PIBF1: variants seen among roughly 807,000 people sequenced by gnomAD.
PIBF1 encodes the protein progesterone immunomodulatory binding factor 1.
PIBF1 carries 90 observed loss-of-function variants against 112.5 expected under a neutral mutation model. That is an observed-to-expected ratio of 0.80 (90% CI 0.67 to 0.95). The LOEUF (loss-of-function observed/expected upper bound fraction) is 0.95, where lower values mean the gene tolerates loss of function less well. Among genes scored for constraint, PIBF1 ranks in the 40% least tolerant of loss-of-function variants. The pLI is 0.00. For missense variants in PIBF1, 915 were observed against 852.3 expected (o/e 1.07, Z -0.92); for synonymous variants, 301 against 288.6 (o/e 1.04, Z -0.44).
chr13:72,939,575 T>C (rs558059147), intron 14 of PIBF1, among the ~76,000 whole-genome samples: 1 of 152,322 alleles, frequency 6.6e-6, no homozygotes, highest in African/African-American at 2.4e-5. Flanking sequence ...ACCCTTTTTA[T>C]GGCCGAATAA....
At chr13:72,788,000 G>C (rs1177898878) in intron 2 of PIBF1, among the ~76,000 whole-genome samples, 1 of 152,162 alleles carries the variant, frequency 6.6e-6, no homozygotes, top group Non-Finnish European at 1.5e-5. Context: ...CCTAGGTCTT[G>C]AAAGAAAGGT....
intron 16 of PIBF1, among the ~76,000 whole-genome samples, chr13:72,993,408 G>A (rs1286778503): frequency 6.6e-6 from 1 of 152,052 alleles, no homozygotes; most frequent in African/African-American, 2.4e-5. Flanking sequence ...TAAAGTATAA[G>A]TAAAACTGCC....
chr13:72,840,211 G>A (rs2037544349), intron 9 of PIBF1, among the ~76,000 whole-genome samples: 1 of 152,152 alleles, frequency 6.6e-6, no homozygotes, highest in Admixed American at 6.5e-5. Flanking sequence ...TGTAGTTAGA[G>A]CTTGTATCAT....
At chr13:72,886,078 C>A (rs1030778520) in intron 10 of PIBF1, among the ~76,000 whole-genome samples, 1 of 152,070 alleles carries the variant, frequency 6.6e-6, no homozygotes, top group Non-Finnish European at 1.5e-5. Flanking sequence ...ATAGTAAATT[C>A]ATTTCTTTTC....
At chr13:72,908,707 C>T (rs370464086) in intron 12 of PIBF1, 26 bp downstream of exon 12, 2 of 1,577,430 alleles carry the variant, frequency 1.3e-6, no homozygotes, top group African/African-American at 2.8e-5. Flanking sequence ...CACACACATG[C>T]ACAACTTTTT....
chr13:72,793,455 A>G (rs981239899), intron 3 of PIBF1, among the ~76,000 whole-genome samples: 3 of 152,170 alleles, frequency 2.0e-5, no homozygotes, highest in Non-Finnish European at 4.4e-5. Context: ...TCCCACCCTC[A>G]GAGTTTCTGA....
intron 14 of PIBF1, among the ~76,000 whole-genome samples, chr13:72,948,936 G>C (rs868460156): frequency 6.6e-6 from 1 of 152,152 alleles, no homozygotes; most frequent in Non-Finnish European, 1.5e-5. Context: ...TGGGGATTAT[G>C]GGAACTACAG....
At chr13:72,937,900 G>A (rs1254792997) in intron 14 of PIBF1, among the ~76,000 whole-genome samples, 3 of 152,058 alleles carry the variant, frequency 2.0e-5, no homozygotes, top group Non-Finnish European at 2.9e-5. Context: ...AATTTAAATA[G>A]TTACCATACC....
At chr13:72,952,037 T>A (rs76070007) in intron 14 of PIBF1, among the ~76,000 whole-genome samples, 1 of 40,264 alleles carries the variant, frequency 2.5e-5, no homozygotes, top group Non-Finnish European at 7.7e-5. Flanking sequence ...TCTTTTCTCT[T>A]TTTTTTTTTT....
At chr13:72,917,266 A>T in intron 13 of PIBF1, 100 bp downstream of exon 13, 1 of 527,192 alleles carries the variant, frequency 1.9e-6, no homozygotes, top group Non-Finnish European at 3.2e-6. Flanking sequence ...AAAGTCCTTT[A>T]TTCTTACTCT....
chr13:72,935,760 A>C (rs1198984480), intron 14 of PIBF1, among the ~76,000 whole-genome samples: 1 of 152,010 alleles, frequency 6.6e-6, no homozygotes, highest in Non-Finnish European at 1.5e-5. Flanking sequence ...GTGTGGTTTT[A>C]ATTTGCATTT....
chr13:72,812,956 AAAAG>A (rs1373461607), intron 5 of PIBF1, among the ~76,000 whole-genome samples: 1 of 152,150 alleles, frequency 6.6e-6, no homozygotes, highest in Non-Finnish European at 1.5e-5. Context: ...CGCCTCAAAA[AAAAG>A]AAAGAAAAAA....
At chr13:72,929,118 CA>C (rs932970699) in intron 13 of PIBF1, among the ~76,000 whole-genome samples, 45 of 151,516 alleles carry the variant, frequency 3.0e-4, no homozygotes, top group African/African-American at 1.0e-3. Flanking sequence ...CTGTGGGACA[CA>C]AAAAGATAAA....
chr13:72,931,717 C>CATATATATATATAT (rs1414425546), intron 14 of PIBF1, among the ~76,000 whole-genome samples: 9 of 24,414 alleles, frequency 3.7e-4, no homozygotes, highest in East Asian at 1.9e-3. Flanking sequence ...ATTTAAACTA[C>CATATATATATATAT]GTATATATAT....
chr13:72,937,684 AG>A (rs2041906628), intron 14 of PIBF1, among the ~76,000 whole-genome samples: 1 of 152,088 alleles, frequency 6.6e-6, no homozygotes, highest in African/African-American at 2.4e-5. Context: ...GTGTGGTAGC[AG>A]GCACCTGTAA....
chr13:72,891,681 T>C (rs2138557715), intron 10 of PIBF1, among the ~76,000 whole-genome samples: 1 of 152,132 alleles, frequency 6.6e-6, no homozygotes, highest in Middle Eastern at 3.4e-3. Flanking sequence ...TAGAGTGACA[T>C]ATGACATAGC....
chr13:72,839,179 CAGATGAG>C (rs889468663), intron 9 of PIBF1, among the ~76,000 whole-genome samples: 1 of 151,918 alleles, frequency 6.6e-6, no homozygotes, highest in African/African-American at 2.4e-5. Context: ...TTCCATTATC[CAGATGAG>C]AGGTGATAAT....
At chr13:72,987,681 G>A (rs937607661) in intron 16 of PIBF1, among the ~76,000 whole-genome samples, 1 of 135,106 alleles carries the variant, frequency 7.4e-6, no homozygotes, top group African/African-American at 2.8e-5. Flanking sequence ...ATTTTCCTTT[G>A]TTGTTTTTTT....
chr13:73,000,070 A>G (rs542697047), intron 17 of PIBF1, among the ~76,000 whole-genome samples: 68 of 152,318 alleles, frequency 4.5e-4, no homozygotes, highest in African/African-American at 1.5e-3. Context: ...ATAAGGGACA[A>G]TTATTTTAAG....
Sources: allele counts gnomAD v4.1 joint callset (sites outside exome capture counted in the v4.1 genomes callset), GRCh38; gene constraint gnomAD v4.1.1; transcripts MANE v1.5; gene names NCBI Gene and HGNC (gene_info 2026-07-23, HGNC 2026-07-21).